USH2A: variants seen among roughly 807,000 people sequenced by gnomAD.
USH2A encodes the protein Usher syndrome 2A (autosomal recessive, mild).
In USH2A, 443 loss-of-function variants were observed where a neutral mutation model predicts 538.9. The ratio of observed to expected loss-of-function variants is 0.82; its 90% CI spans 0.76 to 0.89. USH2A has a LOEUF of 0.89. USH2A is among the 40% of genes least tolerant of loss of function. The pLI, the probability that USH2A is intolerant of heterozygous loss-of-function variation, is 0.00. For synonymous variants in USH2A, 2,413 were observed against 2,273.5 expected (o/e 1.06, Z -1.75); for missense variants, 6,633 against 6,324.8 (o/e 1.05, Z -1.65).
chr1:215,723,573 C>T (rs1659723884), intron 61 of USH2A, among the ~76,000 whole-genome samples: 2 of 152,196 alleles, frequency 1.3e-5, no homozygotes, highest in African/African-American at 4.8e-5. Flanking sequence ...ATTAGCAGTA[C>T]CTCTTGCGAG....
chr1:216,274,678 T>C (rs1044602624), intron 11 of USH2A, among the ~76,000 whole-genome samples: 1 of 152,114 alleles, frequency 6.6e-6, no homozygotes, highest in African/African-American at 2.4e-5. Context: ...ATAATACTTG[T>C]TTCCATTTAA....
intron 52 of USH2A, among the ~76,000 whole-genome samples, chr1:215,785,027 C>A (rs912082213): frequency 6.6e-6 from 1 of 152,186 alleles, no homozygotes; most frequent in African/African-American, 2.4e-5. Context: ...GAAGGTTGGA[C>A]AAATTGTCCT....
chr1:216,323,835 T>C (rs2037669193), intron 7 of USH2A, 140 bp from the exon 8 acceptor site: 1 of 814,624 alleles, frequency 1.2e-6, no homozygotes, highest in Admixed American at 2.3e-5. Context: ...TCCATATATT[T>C]CATATATAAA....
Position 216,250,892 on chromosome 1 carries a change from G to T in USH2A, c.2167+11C>A. ...TAGAGATGTGACTGTAAACTTTTGC[G>T]TTACACGTACCAATAACGTTTGCTT... On this transcript the variant is annotated intron_variant, in intron 12 of 71. Coordinates refer to ENST00000307340, the MANE Select transcript of USH2A (RefSeq NM_206933.4). 6.2e-7 allele frequency: 1 copy of T among 1,613,400 alleles called. No individual in the cohort carries two copies. Among genetic ancestry groups the T allele is most frequent in the Non-Finnish European group, 8.5e-7 (1 of 1,179,706 alleles).
chr1:216,032,856 C>G (rs1669159688), intron 32 of USH2A, among the ~76,000 whole-genome samples: 1 of 152,176 alleles, frequency 6.6e-6, no homozygotes, highest in Non-Finnish European at 1.5e-5. Flanking sequence ...AGCCAGCAAC[C>G]TGAATGAGTC....
Position 215,934,609 on chromosome 1 carries a change from G to T in USH2A, c.7300+7C>A. ...AAATTAGATAGCCAACATTTGCATA[G>T]ACTTACCTCCTGGAGGCATTGCAAT... On this transcript the variant is annotated splice_region_variant and intron_variant, in intron 38 of 71. Coordinates refer to ENST00000307340, the MANE Select transcript of USH2A (RefSeq NM_206933.4). 6.2e-7 allele frequency: 1 copy of T among 1,611,396 alleles called. No individual in the cohort carries two copies. Among genetic ancestry groups the T allele is most frequent in the South Asian group, 1.1e-5 (1 of 90,964 alleles).
intron 2 of USH2A, among the ~76,000 whole-genome samples, chr1:216,420,369 A>G (rs1210130911): frequency 6.6e-6 from 1 of 152,160 alleles, no homozygotes; most frequent in East Asian, 1.9e-4. Context: ...GAAGGCAGGT[A>G]GCAAAATATT....
chr1:216,114,960 A>C (rs537624741), intron 21 of USH2A, among the ~76,000 whole-genome samples: 1 of 152,268 alleles, frequency 6.6e-6, no homozygotes, highest in Admixed American at 6.5e-5. Flanking sequence ...TTTCATAGAT[A>C]TATATCTATC....
rs773024885 is a variant in USH2A, at chr1:216,050,605, T to TTTCTTTTC, written c.6050-1959_6050-1958insGAAAAGAA. Among the ~76,000 whole-genome samples the TTTCTTTTC allele has an allele frequency of 3.7e-5, 2 of 54,076 alleles. 1 individual carries two copies. The highest frequency in any genetic ancestry group is 1.3e-3 in the South Asian group (2 of 1,562). The allele number at this position is 54,076 out of a possible 152,430, so 35.5% of individuals were successfully genotyped here. ...CTTTCTTTCTTTCTTTCTTTCTTTCTTTTTTTTTTTTTTTTTTGAGACAGA... is the reference window on the plus strand; with the variant it reads ...CTTTCTTTCTTTCTTTCTTTCTTTCTTTCTTTTCTTTTTTTTTTTTTTTTTGAGACAGA... On this transcript the variant is annotated intron_variant, in intron 30 of 71. Transcript: ENST00000307340.
intron 44 of USH2A, among the ~76,000 whole-genome samples, chr1:215,858,826 T>C (rs984008280): frequency 2.0e-5 from 3 of 152,088 alleles, no homozygotes; most frequent in African/African-American, 7.2e-5. Context: ...ATTTTAACAG[T>C]AGTTAGATAT....
rs2102630549 is a variant in USH2A, at chr1:215,634,576, G to A, written c.15180C>T (p.Ser5060=). The A allele has an allele frequency of 1.2e-6, 2 of 1,614,014 alleles. No homozygotes were observed. Among genetic ancestry groups the A allele is most frequent in the South Asian group, 2.2e-5 (2 of 91,066 alleles). The part of the protein sequence containing the change: ...LGLILLAIFL[S]LILQRKIHKE... ...TGTGGATTTTTCTTTGTAGTATCAGGGACAGAAAAATGGCCAACAAGATCA... is the reference window on the plus strand; with the variant it reads ...TGTGGATTTTTCTTTGTAGTATCAGAGACAGAAAAATGGCCAACAAGATCA... The change falls in exon 70 of 72, where the codon TCC becomes TCT. Residue 5060 remains serine (S), a synonymous_variant. Coordinates refer to ENST00000307340, the MANE Select transcript of USH2A (RefSeq NM_206933.4).
rs10562094 is a variant in USH2A, at chr1:215,962,658, T to TAC, written c.7120+2657_7120+2658dup. ...GGGGAAATATGTGTTTGTTTATGTA[T>TAC]ACACACACACACACACACCTATAAG... On this transcript the variant is annotated intron_variant, in intron 37 of 71. Transcript: ENST00000307340. Among the ~76,000 whole-genome samples the TAC allele has an allele frequency of 8.9e-3, 1,354 of 151,310 alleles. 19 individuals carry two copies. The highest frequency in any genetic ancestry group is 0.031 in the African/African-American group (1,282 of 41,308).
intron 60 of USH2A, 122 bp from the exon 61 acceptor site, chr1:215,728,506 T>C (rs1659898682): frequency 2.0e-6 from 2 of 980,748 alleles, no homozygotes; most frequent in Non-Finnish European, 3.1e-6. Context: ...TGTTTCTTCC[T>C]GGTGTCATAG....
At chr1:215,718,550 T>C (rs1363173745) in intron 61 of USH2A, among the ~76,000 whole-genome samples, 1 of 152,220 alleles carries the variant, frequency 6.6e-6, no homozygotes, top group Non-Finnish European at 1.5e-5. Flanking sequence ...CCTCTTGCTC[T>C]AATGCAATTC....
At chr1:215,740,926 C>T (rs909412808) in intron 60 of USH2A, among the ~76,000 whole-genome samples, 5 of 152,178 alleles carry the variant, frequency 3.3e-5, no homozygotes, top group African/African-American at 1.2e-4. Context: ...GTATCTAATG[C>T]CACCACTAAT....
At chr1:216,310,903 A>T (rs2037408902) in intron 9 of USH2A, among the ~76,000 whole-genome samples, 1 of 152,128 alleles carries the variant, frequency 6.6e-6, no homozygotes, top group African/African-American at 2.4e-5. Flanking sequence ...TTGTGGACAT[A>T]CATCTATGTC....
chr1:215,808,634 C>T (rs774758596), intron 49 of USH2A, among the ~76,000 whole-genome samples: 1 of 152,060 alleles, frequency 6.6e-6, no homozygotes, highest in Non-Finnish European at 1.5e-5. Flanking sequence ...TTCTCCAAAA[C>T]TATGGTTTGT....
rs2034899344 is a variant in USH2A, at chr1:216,198,340, C to T, written c.4056G>A (p.Trp1352Ter). 6.2e-7 allele frequency: 1 copy of T among 1,613,882 alleles called. No homozygotes were observed. The highest frequency in any genetic ancestry group is 8.5e-7 in the Non-Finnish European group (1 of 1,179,938). Residue 1352 changes from tryptophan (W) to a stop codon, truncating the protein, a stop_gained, in exon 18 of 72, where the codon TGG becomes TGA. Coordinates refer to ENST00000307340, the MANE Select transcript of USH2A (RefSeq NM_206933.4). LOFTEE classifies it high-confidence loss of function. ...CTGATTCTCCCGTTCTTTCTGAGAC[C>T]CAGGCAGAAGACACACTTCCAGCCA... is the stretch of plus-strand genomic sequence containing the variant. Reference protein sequence around the residue: ...VNMAGSVSSAWVSERTGESAP... With the variant: ...VNMAGSVSSA
chr1:216,369,667 C>T (rs1048709400), intron 3 of USH2A, among the ~76,000 whole-genome samples: 3 of 152,024 alleles, frequency 2.0e-5, no homozygotes, highest in Non-Finnish European at 2.9e-5. Context: ...AATCCTAGAA[C>T]TTTGGGAGGC....
Sources: gnomAD v4.1 joint callset for allele counts (sites outside exome capture counted in the v4.1 genomes callset) on GRCh38, gnomAD v4.1.1 for gene constraint, MANE v1.5 for transcripts, NCBI Gene and HGNC (gene_info 2026-07-23, HGNC 2026-07-21) for gene names.